Variants in GRIN2A observed in about 807,000 individuals in gnomAD.
GRIN2A encodes the protein glutamate receptor ionotropic, NMDA 2A.
In GRIN2A, 22 loss-of-function variants were observed where a neutral mutation model predicts 113.4. The ratio of observed to expected loss-of-function variants is 0.19; its 90% CI spans 0.14 to 0.28. GRIN2A has a LOEUF of 0.28. Ranked by LOEUF, GRIN2A falls within the 10% of genes least tolerant of loss-of-function variation. The probability of loss-of-function intolerance (pLI) is 1.00; values close to 1 mark genes in which losing one functional copy is unlikely to be tolerated. For missense variants in GRIN2A, 1,502 were observed against 1,887.0 expected (o/e 0.80, Z 3.78); for synonymous variants, 827 against 738.4 (o/e 1.12, Z -1.94).
At position 9,985,090 on chromosome 16, in the gene GRIN2A, GAAACT is replaced by G. The variant is rs141435291; in HGVS notation, c.415-46544_415-46540del. Among the ~76,000 whole-genome samples the G allele has an allele frequency of 5.4e-3, 827 of 152,174 alleles. 15 individuals carry two copies. Among genetic ancestry groups the G allele is most frequent in the African/African-American group, 0.019 (786 of 41,518 alleles). ...CTTGATTCTCCATGAGACTCTGCCAGAAACTAAACTATTGACAAAAGTTTCCTGAT... is the reference window on the plus strand; with the variant it reads ...CTTGATTCTCCATGAGACTCTGCCAGAAACTATTGACAAAAGTTTCCTGAT... On this transcript the variant is annotated intron_variant, in intron 2 of 12. Coordinates refer to ENST00000330684, the MANE Select transcript of GRIN2A (RefSeq NM_001134407.3).
At chr16:10,131,412 A>T (rs1567321555) in intron 2 of GRIN2A, among the ~76,000 whole-genome samples, 1 of 151,802 alleles carries the variant, frequency 6.6e-6, no homozygotes. Flanking sequence ...TGGAAGCTAA[A>T]GGGTCCCTCC....
At chr16:9,834,468 G>GC (rs1326514889) in intron 7 of GRIN2A, among the ~76,000 whole-genome samples, 1 of 151,934 alleles carries the variant, frequency 6.6e-6, no homozygotes, top group African/African-American at 2.4e-5. Flanking sequence ...TGCAACCTCC[G>GC]CCCCCCAGGT....
At chr16:10,113,385 G>C (rs1432370117) in intron 2 of GRIN2A, among the ~76,000 whole-genome samples, 2 of 152,166 alleles carry the variant, frequency 1.3e-5, no homozygotes, top group Admixed American at 6.5e-5. Context: ...GGCTACCCTT[G>C]GGTCCTGGCT....
At chr16:9,952,249 G>A (rs1416806137) in intron 2 of GRIN2A, among the ~76,000 whole-genome samples, 1 of 152,084 alleles carries the variant, frequency 6.6e-6, no homozygotes, top group African/African-American at 2.4e-5. Context: ...TGCAGAGGAA[G>A]GGGACCCACC....
At chr16:9,858,653 A>G (rs2043009600) in intron 4 of GRIN2A, among the ~76,000 whole-genome samples, 1 of 152,222 alleles carries the variant, frequency 6.6e-6, no homozygotes, top group Non-Finnish European at 1.5e-5. Flanking sequence ...TAAAATTTAA[A>G]TACAGTGCTT....
chr16:9,907,049 G>T (rs931124368), intron 3 of GRIN2A, among the ~76,000 whole-genome samples: 23 of 152,152 alleles, frequency 1.5e-4, no homozygotes, highest in African/African-American at 5.5e-4. Flanking sequence ...TTGGACTCGA[G>T]CAATCTGCCC....
intron 9 of GRIN2A, among the ~76,000 whole-genome samples, chr16:9,824,280 C>T (rs1323308638): frequency 6.6e-6 from 1 of 152,166 alleles, no homozygotes; most frequent in Non-Finnish European, 1.5e-5. Context: ...TTTGCAGTCA[C>T]TCCACCAAGC....
At chr16:9,942,394 G>A (rs558912772) in intron 2 of GRIN2A, among the ~76,000 whole-genome samples, 36 of 152,242 alleles carry the variant, frequency 2.4e-4, no homozygotes, top group African/African-American at 7.0e-4. Flanking sequence ...AGCCAGCCCC[G>A]TGGCTTTGAA....
intron 11 of GRIN2A, among the ~76,000 whole-genome samples, chr16:9,789,582 ACACAC>A (rs1902472657): frequency 1.3e-5 from 2 of 151,726 alleles, no homozygotes; most frequent in South Asian, 4.2e-4. Context: ...ACACACACAC[ACACAC>A]ACAAACACAT....
chr16:10,179,603 G>A (rs1451153656), intron 2 of GRIN2A: 1 of 240,442 alleles, frequency 4.2e-6, no homozygotes, highest in Non-Finnish European at 8.2e-6. Context: ...AAACAATCAG[G>A]TAAAACTGGC....
chr16:10,137,631 A>T (rs1404422216), intron 2 of GRIN2A, among the ~76,000 whole-genome samples: 1 of 152,092 alleles, frequency 6.6e-6, no homozygotes, highest in Non-Finnish European at 1.5e-5. Context: ...CCTGGCCTAC[A>T]TTTCCTTAAT....
intron 2 of GRIN2A, among the ~76,000 whole-genome samples, chr16:10,134,976 G>A (rs1349030780): frequency 6.6e-6 from 1 of 152,136 alleles, no homozygotes; most frequent in African/African-American, 2.4e-5. Context: ...TTCCTAACAT[G>A]CTTTCCTGAT....
intron 3 of GRIN2A, among the ~76,000 whole-genome samples, chr16:9,930,895 C>T (rs2044576041): frequency 6.6e-6 from 1 of 152,164 alleles, no homozygotes. Flanking sequence ...AACTCTTTCT[C>T]ACATATATAT....
chr16:10,169,277 G>C (rs1267336909), intron 2 of GRIN2A, among the ~76,000 whole-genome samples: 4 of 152,152 alleles, frequency 2.6e-5, no homozygotes, highest in African/African-American at 9.7e-5. Context: ...TCGGAACTAA[G>C]TGCAATGCTA....
chr16:9,993,143 G>T (rs1159361221), intron 2 of GRIN2A, among the ~76,000 whole-genome samples: 3 of 152,062 alleles, frequency 2.0e-5, no homozygotes, highest in African/African-American at 7.2e-5. Flanking sequence ...TGAGGCCCAA[G>T]AATCATTTGA....
At position 10,096,435 on chromosome 16, in the gene GRIN2A, C is replaced by T. The variant is rs2048290406; in HGVS notation, c.414+83563G>A. 2.0e-5 allele frequency among the ~76,000 whole-genome samples: 3 copies of T among 152,242 alleles called. No homozygotes were observed. In the South Asian group the frequency reaches 6.2e-4, roughly 32 times the overall value. On this transcript the variant is annotated intron_variant, in intron 2 of 12. Coordinates refer to ENST00000330684, the MANE Select transcript of GRIN2A (RefSeq NM_001134407.3). The stretch of plus-strand genomic sequence containing the variant: ...GGCAACCTGTGCTTTAATCAGGCAT[C>T]TCGGGGTTTCTGATGTTCACTAAAG...
chr16:10,122,423 T>C lies in GRIN2A; in HGVS notation c.414+57575A>G, dbSNP rs1165960595. Among the ~76,000 whole-genome samples, 3 of 152,232 alleles carry C rather than the reference T, an allele frequency of 2.0e-5. 1 individual carries two copies. Among genetic ancestry groups the C allele is most frequent in the South Asian group, 4.2e-4 (2 of 4,818 alleles). On this transcript the variant is annotated intron_variant, in intron 2 of 12. Transcript: ENST00000330684. ...GGCACGGCTGCAAAGTGATGAACATTGCAGCAGGTTCGGCTATTCAGAATG... is the reference window on the plus strand; with the variant it reads ...GGCACGGCTGCAAAGTGATGAACATCGCAGCAGGTTCGGCTATTCAGAATG...
intron 4 of GRIN2A, among the ~76,000 whole-genome samples, chr16:9,869,658 T>C (rs1465912159): frequency 6.6e-6 from 1 of 152,212 alleles, no homozygotes; most frequent in Non-Finnish European, 1.5e-5. Flanking sequence ...AGTTTCCTTA[T>C]ATGTAATGTG....
chr16:9,920,138 G>A (rs1003907783), intron 3 of GRIN2A, among the ~76,000 whole-genome samples: 4 of 152,190 alleles, frequency 2.6e-5, no homozygotes, highest in Non-Finnish European at 5.9e-5. Context: ...GTGACTGTGT[G>A]TGTCTCATAC....
Sources: allele counts gnomAD v4.1 joint callset (sites outside exome capture counted in the v4.1 genomes callset), GRCh38; gene constraint gnomAD v4.1.1; transcripts MANE v1.5; gene names NCBI Gene and HGNC (gene_info 2026-07-23, HGNC 2026-07-21).